The following TUBB variants were observed in gnomAD, a reference collection of about 807,000 sequenced individuals.
TUBB encodes the protein tubulin beta class I.
A neutral mutation model predicts 35.1 loss-of-function variants in TUBB; 2 were observed. That is an observed-to-expected ratio of 0.06 (90% CI 0.02 to 0.18). The LOEUF is 0.18. TUBB is among the 10% of genes least tolerant of loss of function. The probability of loss-of-function intolerance (pLI) is 1.00; values close to 1 mark genes in which losing one functional copy is unlikely to be tolerated. For synonymous variants in TUBB, 205 were observed against 223.8 expected (o/e 0.92, Z 0.75); for missense variants, 50 against 599.4 (o/e 0.08, Z 9.57).
At chr6:30,722,423 C>T in intron 1 of TUBB, 114 bp from the exon 2 acceptor site, 1 of 737,424 alleles carries the variant, frequency 1.4e-6, no homozygotes, top group Non-Finnish European at 2.3e-6. Flanking sequence ...AGCCTGGTGA[C>T]AGAGCGAGAC....
intron 1 of TUBB, among the ~76,000 whole-genome samples, chr6:30,721,394 C>G: frequency 6.8e-6 from 1 of 148,042 alleles, no homozygotes; most frequent in Non-Finnish European, 1.5e-5. Flanking sequence ...AGTGCGGCTG[C>G]TACGTTGTAG....
At position 30,724,545 on chromosome 6, in the gene TUBB, A is replaced by T. The variant is rs538816392; in HGVS notation, c.*148A>T. 7.6e-6 allele frequency: 5 copies of T among 660,604 alleles called. No individual in the cohort carries two copies. The Admixed American group carries it at 1.5e-4, about 20-fold the overall frequency. The allele number at this position is 660,604 out of a possible 1,614,324, so 40.9% of individuals were successfully genotyped here. A position where few individuals can be genotyped will look rare whatever the true frequency, so the allele number is the denominator to read the frequency against. On this transcript the variant is annotated 3_prime_UTR_variant, in exon 4 of 4. Coordinates refer to ENST00000327892, the MANE Select transcript of TUBB (RefSeq NM_178014.4). This position sits in a 1 kb window ranked among gnomAD's most constrained non-coding sequence, Gnocchi z 4.4. ...GGGGGTCTAGAACAGTGCCTGGCAC[A>T]TAGTAGGCGCTCAATAAATACTTGT...
At chr6:30,721,167 A>G (rs1293623813) in intron 1 of TUBB, among the ~76,000 whole-genome samples, 1 of 152,234 alleles carries the variant, frequency 6.6e-6, no homozygotes, top group Non-Finnish European at 1.5e-5. Flanking sequence ...ACTTGCTTTC[A>G]TGGCCCCTAA....
At chr6:30,720,905 G>T (rs1171894504) in intron 1 of TUBB, among the ~76,000 whole-genome samples, 1 of 152,242 alleles carries the variant, frequency 6.6e-6, no homozygotes, top group Non-Finnish European at 1.5e-5. Context: ...AAAGCGGGGC[G>T]AGGTTTTGCC....
At chr6:30,722,741 G>A (rs1387639469) in intron 2 of TUBB, 96 bp downstream of exon 2, 41 of 1,224,812 alleles carry the variant, frequency 3.3e-5, no homozygotes, top group Non-Finnish European at 4.8e-5. Flanking sequence ...TCCCCTTTGG[G>A]TGAATCTGTC....
intron 1 of TUBB, chr6:30,721,660 CG>C: frequency 1.0e-6 from 1 of 985,454 alleles, no homozygotes; most frequent in Non-Finnish European, 1.2e-6. Flanking sequence ...TTTTGTGCGC[CG>C]CGCGGTGGGG....
chr6:30,721,351 C>T (rs1581659571), intron 1 of TUBB, among the ~76,000 whole-genome samples: 1 of 119,738 alleles, frequency 8.4e-6, no homozygotes, highest in Non-Finnish European at 1.7e-5. Context: ...TTTTTGCGCG[C>T]GGTTACAGTG....
Position 30,722,551 on chromosome 6 carries a change from C to T in TUBB, c.72C>T (p.Ile24=), listed in dbSNP as rs960748742. 4.3e-6 allele frequency: 7 copies of T among 1,613,902 alleles called. No individual in the cohort carries two copies. In the African/African-American group the frequency reaches 9.3e-5, roughly 22 times the overall value. ...NQIGAKFWEV[I]SDEHGIDPTG... ...CCCCTCGGCAGTTCTGGGAGGTGATCAGTGATGAACATGGCATCGACCCCA... is the reference window on the plus strand; with the variant it reads ...CCCCTCGGCAGTTCTGGGAGGTGATTAGTGATGAACATGGCATCGACCCCA... Residue 24 remains isoleucine (I), a synonymous_variant, in exon 2 of 4, where the codon ATC becomes ATT. Coordinates refer to ENST00000327892, the MANE Select transcript of TUBB (RefSeq NM_178014.4).
At chr6:30,721,950 A>G (rs1776302223) in intron 1 of TUBB, 1 of 936,126 alleles carries the variant, frequency 1.1e-6, no homozygotes. Flanking sequence ...ATCCTGGGCA[A>G]CAAAGCGAGA....
intron 1 of TUBB, chr6:30,721,713 TG>T: frequency 3.0e-6 from 3 of 984,988 alleles, no homozygotes; most frequent in Non-Finnish European, 3.6e-6. Context: ...CTTATCGAAG[TG>T]TGGTCGACCT....
rs1334518440 is a variant in TUBB, at chr6:30,723,704, T to G, written c.642T>G (p.Thr214=). Residue 214 remains threonine (T), a synonymous_variant, in exon 4 of 4, where the codon ACT becomes ACG. Transcript: ENST00000327892. The stretch of plus-strand genomic sequence containing the variant: ...CCCTCTATGATATCTGCTTCCGCAC[T>G]CTGAAGCTGACCACACCAACCTACG... ...NEALYDICFR[T]LKLTTPTYGD... is the part of the protein sequence containing the mutation. 3 of 1,614,078 alleles carry G rather than the reference T, an allele frequency of 1.9e-6. No homozygotes were observed. In the African/African-American group the frequency reaches 4.0e-5, roughly 22 times the overall value.
rs2127751044 is a variant in TUBB at position 30,724,673 on chromosome 6, A to G, written c.*276A>G. 1 of 463,284 alleles carries G rather than the reference A, an allele frequency of 2.2e-6. No individual in the cohort carries two copies. The highest frequency in any genetic ancestry group is 3.4e-5 in the East Asian group (1 of 29,636). The allele number at this position is 463,284 out of a possible 1,614,324, so 28.7% of individuals were successfully genotyped here. A position where few individuals can be genotyped will look rare whatever the true frequency, so the allele number is the denominator to read the frequency against. On this transcript the variant is annotated 3_prime_UTR_variant, in exon 4 of 4. Coordinates refer to ENST00000327892, the MANE Select transcript of TUBB (RefSeq NM_178014.4). The surrounding 1 kb of genome is among the most constrained non-coding windows in gnomAD (Gnocchi z 4.4). ...TGGTGCCCATTCCATTTGTCCAGTT[A>G]ATACTTCCTCTTAAAAATCTCCAAG...
At chr6:30,721,976 C>A in intron 1 of TUBB, 1 of 842,624 alleles carries the variant, frequency 1.2e-6, no homozygotes, top group Non-Finnish European at 1.4e-6. Context: ...CCCCATGCCA[C>A]GTTTCTACAA....
chr6:30,721,333 A>AT lies in TUBB; in HGVS notation c.57+782dup, dbSNP rs745656255. 1.8e-3 allele frequency among the ~76,000 whole-genome samples: 169 copies of AT among 95,616 alleles called. 1 individual carries two copies. Among genetic ancestry groups the AT allele is most frequent in the African/African-American group, 4.1e-3 (99 of 24,356 alleles). 62.7% of individuals were successfully genotyped at this position (95,616 alleles called of 152,430 possible). A position where few individuals can be genotyped will look rare whatever the true frequency, so the allele number is the denominator to read the frequency against. Reference sequence around the variant, plus strand: ...AATAAAAATTCCGAGGCCAAGGGGGATTTTTTTTTTTTGCGCGCGGTTACA... The same window carrying AT: ...AATAAAAATTCCGAGGCCAAGGGGGATTTTTTTTTTTTTGCGCGCGGTTACA... On this transcript the variant is annotated intron_variant, in intron 1 of 3. Transcript: ENST00000327892.
intron 1 of TUBB, chr6:30,721,669 G>GGGCGGTGCCC (rs1331651574): frequency 2.0e-6 from 2 of 985,344 alleles, no homozygotes; most frequent in Non-Finnish European, 2.4e-6. Flanking sequence ...CCGCGCGGTG[G>GGGCGGTGCCC]GGCGGTGCCC....
chr6:30,723,173 G>A (rs1776411542), intron 3 of TUBB, 145 bp downstream of exon 3: 2 of 902,486 alleles, frequency 2.2e-6, no homozygotes, highest in East Asian at 2.6e-5. Flanking sequence ...GAGGGTAGAG[G>A]TAGTGCCTAC....
rs1161460839 is a variant in TUBB at position 30,724,957 on chromosome 6, A to T, written c.*560A>T. Reference sequence around the variant, plus strand: ...GTCAGCAGTATTATCTCCACTTTCAATCTCCCTCCAAGCTCTACTCTGGAG... The same window carrying T: ...GTCAGCAGTATTATCTCCACTTTCATTCTCCCTCCAAGCTCTACTCTGGAG... On this transcript the variant is annotated 3_prime_UTR_variant, in exon 4 of 4. Transcript: ENST00000327892. The surrounding 1 kb of genome is among the most constrained non-coding windows in gnomAD (Gnocchi z 4.4). 1 of 152,424 alleles carries T rather than the reference A, an allele frequency of 6.6e-6. No individual in the cohort carries two copies. Among genetic ancestry groups the T allele is most frequent in the African/African-American group, 2.5e-5 (1 of 40,408 alleles). The allele number at this position is 152,424 out of a possible 1,614,324, so 9.4% of individuals were successfully genotyped here.
chr6:30,723,076 C>T (rs1776404150), intron 3 of TUBB, 48 bp downstream of exon 3: 1 of 1,469,234 alleles, frequency 6.8e-7, no homozygotes, highest in Non-Finnish European at 9.4e-7. Flanking sequence ...TCGTGTTCAA[C>T]TTATTTGGGT....
At chr6:30,721,648 C>G in intron 1 of TUBB, 3 of 985,420 alleles carry the variant, frequency 3.0e-6, no homozygotes, top group Non-Finnish European at 3.6e-6. Context: ...AGACCCCCAG[C>G]CTTTTGTGCG....
Sources: allele counts gnomAD v4.1 joint callset (sites outside exome capture counted in the v4.1 genomes callset), GRCh38; gene constraint gnomAD v4.1.1; non-coding constraint Gnocchi (gnomAD v3.1); transcripts MANE v1.5; gene names NCBI Gene and HGNC (gene_info 2026-07-23, HGNC 2026-07-21).